AIF1L: variants seen among roughly 807,000 people sequenced by gnomAD.
AIF1L encodes allograft inflammatory factor 1-like.
AIF1L carries 12 observed loss-of-function variants against 20.7 expected under a neutral mutation model. The observed-to-expected ratio is 0.58, with a 90% CI of 0.37 to 0.94. The LOEUF (loss-of-function observed/expected upper bound fraction) is 0.94. Ranked by LOEUF, AIF1L falls within the 40% of genes least tolerant of loss-of-function variation. AIF1L has a pLI of 0.01. For synonymous variants in AIF1L, 76 were observed against 65.1 expected (o/e 1.17, Z -0.81); for missense variants, 173 against 185.3 (o/e 0.93, Z 0.39).
Position 131,117,764 on chromosome 9 carries a change from T to C in AIF1L, c.211T>C (p.Ser71Pro), listed in dbSNP as rs755859603. The change falls in exon 5 of 6, where the codon TCT (serine) becomes CCT (proline). Residue 71 changes from serine to proline, a missense_variant. Physicochemically the swap from Ser to Pro is moderately conservative, Grantham distance 74. Transcript: ENST00000247291. ...LNNEGEIDLM[S>P]LKRMMEKLGV... is the part of the protein sequence containing the mutation. The stretch of plus-strand genomic sequence containing the variant: ...TGCTTTTCCCCCGGCAGACCTGATG[T>C]CTTTAAAGAGGATGATGGAGAAGCT... 6.2e-7 allele frequency: 1 copy of C among 1,610,550 alleles called. No individual in the cohort carries two copies.
chr9:131,116,244 A>G (rs1831010664), intron 4 of AIF1L, among the ~76,000 whole-genome samples: 1 of 152,002 alleles, frequency 6.6e-6, no homozygotes, highest in African/African-American at 2.4e-5. Context: ...AACAATGGTG[A>G]GTATTTTGAT....
intron 5 of AIF1L, among the ~76,000 whole-genome samples, chr9:131,118,800 G>A (rs985857788): frequency 4.6e-5 from 7 of 151,566 alleles, no homozygotes; most frequent in Non-Finnish European, 8.8e-5. Context: ...AGACCCCCTC[G>A]GCCTCCCAAA....
At chr9:131,109,754 G>A (rs1294962297) in intron 2 of AIF1L, among the ~76,000 whole-genome samples, 4 of 152,104 alleles carry the variant, frequency 2.6e-5, no homozygotes, top group Non-Finnish European at 5.9e-5. Context: ...CTCATTGGTC[G>A]CTTTTTGCTG....
chr9:131,117,355 A>C (rs1831038704), intron 4 of AIF1L, among the ~76,000 whole-genome samples: 1 of 152,154 alleles, frequency 6.6e-6, no homozygotes, highest in South Asian at 2.1e-4. Context: ...AGCCCACCCT[A>C]ACTGCAGGAA....
At chr9:131,115,931 A>C (rs1342433453) in intron 4 of AIF1L, among the ~76,000 whole-genome samples, 2 of 150,226 alleles carry the variant, frequency 1.3e-5, no homozygotes, top group Non-Finnish European at 3.0e-5. Flanking sequence ...CCCAGATTGC[A>C]CCATTGCACT....
At chr9:131,107,776 A>G (rs978563238) in intron 2 of AIF1L, 1 of 152,112 alleles carries the variant, frequency 6.6e-6, no homozygotes, top group Middle Eastern at 3.2e-3. Context: ...CGTGACCCCA[A>G]AGTCTGGGAA....
chr9:131,119,239 G>C (rs539573613), intron 5 of AIF1L, among the ~76,000 whole-genome samples: 2 of 152,196 alleles, frequency 1.3e-5, no homozygotes, highest in African/African-American at 4.8e-5. Flanking sequence ...CCTGGCTCAC[G>C]CCTTTAATCC....
chr9:131,097,144 C>CGTG (rs1830548550), intron 2 of AIF1L, among the ~76,000 whole-genome samples: 1 of 152,132 alleles, frequency 6.6e-6, no homozygotes, highest in Non-Finnish European at 1.5e-5. Context: ...CCAGCCGGCT[C>CGTG]GTGGCTCCCC....
chr9:131,114,700 G>C (rs1377978224), intron 4 of AIF1L, 82 bp downstream of exon 4: 1 of 1,542,330 alleles, frequency 6.5e-7, no homozygotes, highest in East Asian at 2.3e-5. Flanking sequence ...CGGGTGAGGG[G>C]CATGGGGCAG....
At chr9:131,118,243 C>T (rs374743580) in intron 5 of AIF1L, among the ~76,000 whole-genome samples, 1 of 152,034 alleles carries the variant, frequency 6.6e-6, no homozygotes, top group African/African-American at 2.4e-5. Context: ...CAGGCATGCA[C>T]CACTATGCTT....
At chr9:131,110,782 C>T (rs1339922061) in intron 2 of AIF1L, among the ~76,000 whole-genome samples, 2 of 151,760 alleles carry the variant, frequency 1.3e-5, no homozygotes, top group African/African-American at 4.8e-5. Context: ...GGATTACAGG[C>T]GTGAACCGCC....
intron 2 of AIF1L, chr9:131,111,289 A>G: frequency 3.2e-6 from 1 of 317,010 alleles, no homozygotes; most frequent in Admixed American, 4.5e-5. Context: ...TCGGATCTGA[A>G]GCTGGGGTGT....
chr9:131,115,895 AC>A (rs1335636688), intron 4 of AIF1L, among the ~76,000 whole-genome samples: 1 of 150,612 alleles, frequency 6.6e-6, no homozygotes, highest in African/African-American at 2.5e-5. Context: ...AATTGCTTTA[AC>A]CCAGGAGGTG....
At chr9:131,118,430 T>C (rs1831062716) in intron 5 of AIF1L, among the ~76,000 whole-genome samples, 1 of 151,306 alleles carries the variant, frequency 6.6e-6, no homozygotes, top group Admixed American at 6.6e-5. Flanking sequence ...TAGGGGAAAT[T>C]AGCTTGTAGC....
At chr9:131,109,481 C>T (rs1195617358) in intron 2 of AIF1L, among the ~76,000 whole-genome samples, 1 of 152,076 alleles carries the variant, frequency 6.6e-6, no homozygotes, top group Non-Finnish European at 1.5e-5. Context: ...ATCATTTGAA[C>T]CTGAGAGGCA....
chr9:131,114,507 G>A lies in AIF1L; in HGVS notation c.161-70G>A. 3.2e-5 allele frequency: 50 copies of A among 1,565,520 alleles called. No individual in the cohort carries two copies. The South Asian group carries it at 5.1e-4, about 16-fold the overall frequency. On this transcript the variant is annotated intron_variant, in intron 3 of 5. Coordinates refer to ENST00000247291, the MANE Select transcript of AIF1L (RefSeq NM_031426.4). ...GAGGACACGGTCATTTGCCCACAAGGGAGCCACTGGGTCCCCACAGGGAGA... is the reference window on the plus strand; with the variant it reads ...GAGGACACGGTCATTTGCCCACAAGAGAGCCACTGGGTCCCCACAGGGAGA...
intron 2 of AIF1L, among the ~76,000 whole-genome samples, chr9:131,104,872 T>C (rs1258399210): frequency 3.4e-5 from 5 of 146,350 alleles, no homozygotes; most frequent in South Asian, 4.3e-4. Flanking sequence ...CACTCCAGCC[T>C]GGGCAACAGA....
At chr9:131,108,939 T>G (rs1157630311) in intron 2 of AIF1L, among the ~76,000 whole-genome samples, 1 of 152,230 alleles carries the variant, frequency 6.6e-6, no homozygotes, top group Non-Finnish European at 1.5e-5. Flanking sequence ...GCTTGAAGCC[T>G]CTTAGGAGTT....
At chr9:131,114,415 A>G (rs977404263) in intron 3 of AIF1L, 162 bp from the exon 4 acceptor site, 2 of 724,868 alleles carry the variant, frequency 2.8e-6, no homozygotes, top group Middle Eastern at 3.2e-4. Flanking sequence ...CCCAGAGGCC[A>G]TGGCTCAGCG....
Sources: gnomAD v4.1 joint callset for allele counts (sites outside exome capture counted in the v4.1 genomes callset) on GRCh38, gnomAD v4.1.1 for gene constraint, MANE v1.5 for transcripts, NCBI Gene and HGNC (gene_info 2026-07-23, HGNC 2026-07-21) for gene names.